Variants in VPS13D observed in about 807,000 individuals in gnomAD.
VPS13D encodes vacuolar protein sorting 13 homolog D.
In VPS13D, 187 loss-of-function variants were observed where a neutral mutation model predicts 461.9. The observed-to-expected ratio is 0.40, with a 90% CI of 0.36 to 0.46. The LOEUF (loss-of-function observed/expected upper bound fraction) is 0.46, where lower values mean the gene tolerates loss of function less well. VPS13D is among the 20% of genes least tolerant of loss of function. The pLI is 0.60. For synonymous variants in VPS13D, 1,951 were observed against 1,986.3 expected (o/e 0.98, Z 0.47); for missense variants, 4,711 against 5,364.9 (o/e 0.88, Z 3.81).
Position 12,320,196 on chromosome 1 carries a change from T to A in VPS13D, c.7548+566T>A, listed in dbSNP as rs575698394. 1.7e-3 allele frequency among the ~76,000 whole-genome samples: 257 copies of A among 152,350 alleles called. 2 individuals are homozygous for A. The highest frequency in any genetic ancestry group is 5.7e-3 in the African/African-American group (238 of 41,582). ...TGCTTTAGGCTCTCATGTCATCTCA[T>A]GAAGAAGATAATTTGTGTTGGAGTG... On this transcript the variant is annotated intron_variant, in intron 32 of 69. Coordinates refer to ENST00000620676, the MANE Select transcript of VPS13D (RefSeq NM_015378.4).
At chr1:12,358,105 CAG>C (rs1478420968) in intron 49 of VPS13D, among the ~76,000 whole-genome samples, 1 of 151,994 alleles carries the variant, frequency 6.6e-6, no homozygotes, top group African/African-American at 2.4e-5. Flanking sequence ...CTTGAAACAG[CAG>C]AGTCAGGAAA....
chr1:12,405,473 C>G (rs980014813), intron 63 of VPS13D, among the ~76,000 whole-genome samples: 1 of 152,124 alleles, frequency 6.6e-6, no homozygotes, highest in Admixed American at 6.5e-5. Context: ...AAGGGTAGGG[C>G]AAGGGTGACA....
chr1:12,296,212 C>A (rs548964566), intron 24 of VPS13D, among the ~76,000 whole-genome samples: 3 of 152,116 alleles, frequency 2.0e-5, no homozygotes, highest in Non-Finnish European at 4.4e-5. Flanking sequence ...ATAGGGTGTG[C>A]GCACATTTCT....
intron 55 of VPS13D, among the ~76,000 whole-genome samples, chr1:12,374,230 A>G (rs1223173409): frequency 6.6e-6 from 1 of 152,248 alleles, no homozygotes; most frequent in African/African-American, 2.4e-5. Context: ...ATTTCACTTG[A>G]TAAGGATGAC....
chr1:12,300,912 T>C (rs539279895), intron 25 of VPS13D, among the ~76,000 whole-genome samples: 166 of 152,332 alleles, frequency 1.1e-3, no homozygotes, highest in Non-Finnish European at 1.7e-3. Flanking sequence ...TCAGTCTATT[T>C]GCTTATTCCT....
At position 12,373,095 on chromosome 1, in the gene VPS13D, GTTTTTTT is replaced by G. The variant is rs571503565; in HGVS notation, c.10809-634_10809-628del. ...TTGGTCCCTTGAATTGTCTGGCTTG[GTTTTTTT>G]TTTTTTTTTTTTTTTTTTTTGCTTT... On this transcript the variant is annotated intron_variant, in intron 54 of 69. Transcript: ENST00000620676. Among the ~76,000 whole-genome samples the G allele has an allele frequency of 4.0e-4, 15 of 37,236 alleles. No individual in the cohort carries two copies. The South Asian group carries it at 7.2e-3, about 18-fold the overall frequency. 24.4% of individuals were successfully genotyped at this position (37,236 alleles called of 152,430 possible).
At chr1:12,365,434 G>C (rs1158059108) in intron 52 of VPS13D, among the ~76,000 whole-genome samples, 1 of 152,212 alleles carries the variant, frequency 6.6e-6, no homozygotes, top group Non-Finnish European at 1.5e-5. Context: ...GGCCGGGCAT[G>C]GTGGCTCACG....
intron 20 of VPS13D, among the ~76,000 whole-genome samples, chr1:12,281,381 TC>T (rs1241441452): frequency 3.9e-5 from 6 of 152,114 alleles, no homozygotes; most frequent in Non-Finnish European, 7.3e-5. Flanking sequence ...CTCTTTTTTG[TC>T]CCCCCATGTC....
chr1:12,379,603 C>T lies in VPS13D; in HGVS notation c.11190+7C>T, dbSNP rs769658062. The T allele has an allele frequency of 1.9e-6, 3 of 1,606,966 alleles. No individual in the cohort carries two copies. Among genetic ancestry groups the T allele is most frequent in the South Asian group, 2.2e-5 (2 of 90,330 alleles). ...ACATGGGTTGGTCGTCCAGGTCAGT[C>T]GTTTTTGATCCCCAATTGCAGCAAG... On this transcript the variant is annotated splice_region_variant and intron_variant, in intron 57 of 69. Transcript: ENST00000620676.
chr1:12,344,613 C>T (rs1469840710), intron 42 of VPS13D, among the ~76,000 whole-genome samples: 1 of 152,114 alleles, frequency 6.6e-6, no homozygotes, highest in East Asian at 1.9e-4. Flanking sequence ...GTTTTTGTTT[C>T]CGTATTTCAT....
chr1:12,395,791 G>T (rs989126657), intron 60 of VPS13D, among the ~76,000 whole-genome samples: 5 of 151,546 alleles, frequency 3.3e-5, no homozygotes, highest in African/African-American at 1.2e-4. Flanking sequence ...AACGGTTCAC[G>T]CCAAGGACTA....
intron 61 of VPS13D, 124 bp from the exon 62 acceptor site, chr1:12,401,484 G>A: frequency 1.7e-6 from 1 of 590,738 alleles, no homozygotes; most frequent in Non-Finnish European, 2.9e-6. Context: ...GAAATAATTT[G>A]GCATTATAGT....
At chr1:12,394,908 C>T (rs1266211627) in intron 60 of VPS13D, among the ~76,000 whole-genome samples, 1 of 152,164 alleles carries the variant, frequency 6.6e-6, no homozygotes, top group Non-Finnish European at 1.5e-5. Context: ...CTGATCCAAC[C>T]CTATGTTCCT....
intron 24 of VPS13D, among the ~76,000 whole-genome samples, chr1:12,294,981 G>T (rs1247308485): frequency 6.6e-6 from 1 of 151,948 alleles, no homozygotes; most frequent in African/African-American, 2.4e-5. Context: ...CCAGCACTTT[G>T]GGGGGCGAGG....
intron 6 of VPS13D, among the ~76,000 whole-genome samples, chr1:12,249,915 C>T (rs933058107): frequency 6.6e-6 from 1 of 152,132 alleles, no homozygotes. Context: ...TTACTGCAGA[C>T]CCCGCTGGGT....
intron 26 of VPS13D, among the ~76,000 whole-genome samples, chr1:12,305,580 G>A (rs1050243677): frequency 4.6e-5 from 7 of 152,028 alleles, no homozygotes; most frequent in South Asian, 2.1e-4. Context: ...ATGAGCCCCC[G>A]GGCCTGGCCT....
chr1:12,391,382 G>T (rs1278809782), intron 60 of VPS13D, among the ~76,000 whole-genome samples: 1 of 152,180 alleles, frequency 6.6e-6, no homozygotes. Context: ...AGCCATCAGT[G>T]CAGGCTAGGG....
chr1:12,474,458 A>AT (rs1645603658), intron 67 of VPS13D, among the ~76,000 whole-genome samples: 1 of 151,886 alleles, frequency 6.6e-6, no homozygotes, highest in Non-Finnish European at 1.5e-5. Flanking sequence ...TCACAACAAT[A>AT]TTATTATGTA....
At chr1:12,361,589 GT>G (rs1213337702) in intron 50 of VPS13D, among the ~76,000 whole-genome samples, 1 of 150,622 alleles carries the variant, frequency 6.6e-6, no homozygotes, top group Non-Finnish European at 1.5e-5. Flanking sequence ...TAGAGACGGG[GT>G]TTCACCGTTT....
Sources: allele counts gnomAD v4.1 joint callset (sites outside exome capture counted in the v4.1 genomes callset), GRCh38; gene constraint gnomAD v4.1.1; transcripts MANE v1.5; gene names NCBI Gene and HGNC (gene_info 2026-07-23, HGNC 2026-07-21).